The following ADAM12 variants were observed in gnomAD, a reference collection of about 807,000 sequenced individuals.
ADAM12 encodes the protein disintegrin and metalloproteinase domain-containing protein 12.
A neutral mutation model predicts 106.4 loss-of-function variants in ADAM12; 70 were observed. The ratio of observed to expected loss-of-function variants is 0.66; its 90% confidence interval spans 0.54 to 0.80. The LOEUF (loss-of-function observed/expected upper bound fraction) is 0.80, where lower values mean the gene tolerates loss of function less well. Ranked by LOEUF, ADAM12 falls within the 30% of genes least tolerant of loss-of-function variation. The pLI, the probability that ADAM12 is intolerant of heterozygous loss-of-function variation, is 0.00. For missense variants in ADAM12, 1,010 were observed against 1,171.9 expected (o/e 0.86, Z 2.02); for synonymous variants, 420 against 433.5 (o/e 0.97, Z 0.39).
intron 12 of ADAM12, chr10:126,070,440 T>C (rs922413738): frequency 6.6e-6 from 1 of 152,250 alleles, no homozygotes; most frequent in Non-Finnish European, 1.5e-5. Flanking sequence ...CCTCCTGGTA[T>C]GGAAAACCTC....
intron 20 of ADAM12, among the ~76,000 whole-genome samples, chr10:126,037,354 A>G (rs74814723): frequency 0.022 from 3,236 of 149,868 alleles, 97 homozygotes; most frequent in East Asian, 0.11. Context: ...TTTGGCTACC[A>G]CACAAAGCCG....
At chr10:126,107,297 C>T (rs1955791893) in intron 8 of ADAM12, among the ~76,000 whole-genome samples, 1 of 152,282 alleles carries the variant, frequency 6.6e-6, no homozygotes, top group South Asian at 2.1e-4. Context: ...CATAAACCTC[C>T]ATTCATAGCA....
chr10:126,130,318 G>A (rs531972516), intron 5 of ADAM12, among the ~76,000 whole-genome samples: 1 of 152,114 alleles, frequency 6.6e-6, no homozygotes, highest in African/African-American at 2.4e-5. Context: ...GTACAGCTGC[G>A]GAATTTCTCT....
At chr10:126,267,900 G>C (rs1959131850) in intron 3 of ADAM12, among the ~76,000 whole-genome samples, 1 of 152,166 alleles carries the variant, frequency 6.6e-6, no homozygotes, top group Non-Finnish European at 1.5e-5. Context: ...GACAGGGAGG[G>C]AGACCTTTTG....
At chr10:126,189,093 T>A (rs1957451046) in intron 3 of ADAM12, among the ~76,000 whole-genome samples, 1 of 152,102 alleles carries the variant, frequency 6.6e-6, no homozygotes, top group Non-Finnish European at 1.5e-5. Context: ...GGGAGACAAA[T>A]GCAGATACAA....
chr10:126,168,823 C>T (rs556701223), intron 3 of ADAM12, among the ~76,000 whole-genome samples: 14 of 152,214 alleles, frequency 9.2e-5, no homozygotes, highest in Admixed American at 3.9e-4. Context: ...GAGGCTGAGG[C>T]GGGCGGATCA....
intron 6 of ADAM12, among the ~76,000 whole-genome samples, chr10:126,111,913 C>A (rs72479325): frequency 0.063 from 9,530 of 152,076 alleles, 798 homozygotes; most frequent in African/African-American, 0.19. Context: ...GTTAAAAAAA[C>A]AACAACAAAG....
intron 5 of ADAM12, among the ~76,000 whole-genome samples, chr10:126,128,556 T>C (rs1344216055): frequency 2.6e-5 from 4 of 152,192 alleles, no homozygotes; most frequent in African/African-American, 9.6e-5. Context: ...TGGGAATGTG[T>C]GCAAGTGGGC....
chr10:126,251,845 G>GAT (rs1958774335), intron 3 of ADAM12, among the ~76,000 whole-genome samples: 3 of 150,218 alleles, frequency 2.0e-5, no homozygotes, highest in Non-Finnish European at 4.4e-5. Flanking sequence ...TGGATGAATG[G>GAT]GTGGGATGGA....
chr10:126,030,151 A>G (rs1234906490), intron 21 of ADAM12, among the ~76,000 whole-genome samples: 1 of 152,228 alleles, frequency 6.6e-6, no homozygotes, highest in Non-Finnish European at 1.5e-5. Context: ...TATAAAACTA[A>G]TAAGGAATAA....
intron 6 of ADAM12, among the ~76,000 whole-genome samples, chr10:126,110,208 G>T (rs1457751424): frequency 2.6e-5 from 4 of 152,138 alleles, no homozygotes; most frequent in Admixed American, 6.5e-5. Flanking sequence ...TTCAGACCAC[G>T]TGTAGGTCTT....
chr10:126,179,913 C>T (rs927777007), intron 3 of ADAM12, among the ~76,000 whole-genome samples: 1 of 152,092 alleles, frequency 6.6e-6, no homozygotes, highest in Non-Finnish European at 1.5e-5. Flanking sequence ...TGACCGCACA[C>T]CAATGCTTCT....
intron 3 of ADAM12, among the ~76,000 whole-genome samples, chr10:126,170,430 A>T (rs1468576169): frequency 1.4e-5 from 2 of 147,470 alleles, no homozygotes; most frequent in African/African-American, 2.7e-5. Flanking sequence ...TTTCCTTTAA[A>T]AAAAAAAAGA....
chr10:126,327,571 A>G (rs1854349246), intron 2 of ADAM12, among the ~76,000 whole-genome samples: 1 of 152,024 alleles, frequency 6.6e-6, no homozygotes, highest in Admixed American at 6.6e-5. Context: ...AGCTTAGGTG[A>G]CAAAGGAGGC....
chr10:126,226,491 C>T (rs1402414761), intron 3 of ADAM12, among the ~76,000 whole-genome samples: 2 of 152,198 alleles, frequency 1.3e-5, no homozygotes, highest in East Asian at 1.9e-4. Flanking sequence ...AATCACATGT[C>T]ATCACAAGAG....
chr10:126,130,269 C>T (rs1421941072), intron 5 of ADAM12, among the ~76,000 whole-genome samples: 1 of 152,072 alleles, frequency 6.6e-6, no homozygotes, highest in African/African-American at 2.4e-5. Flanking sequence ...TCCCCTCACC[C>T]TGGTCTGATT....
chr10:126,132,108 G>A (rs919477747), intron 5 of ADAM12, among the ~76,000 whole-genome samples: 1 of 151,936 alleles, frequency 6.6e-6, no homozygotes, highest in Non-Finnish European at 1.5e-5. Context: ...CCAAGTAGCT[G>A]GGACTACAGG....
At chr10:126,268,062 C>T (rs1340967822) in intron 3 of ADAM12, among the ~76,000 whole-genome samples, 1 of 151,214 alleles carries the variant, frequency 6.6e-6, no homozygotes, top group African/African-American at 2.5e-5. Flanking sequence ...CACTGACATC[C>T]ATCTCCATAA....
intron 3 of ADAM12, among the ~76,000 whole-genome samples, chr10:126,275,535 A>G (rs1394801228): frequency 1.3e-5 from 2 of 152,246 alleles, no homozygotes; most frequent in African/African-American, 4.8e-5. Context: ...AGTAGGATTA[A>G]TTAGATGACT....
Sources: gnomAD v4.1 joint callset for allele counts (sites outside exome capture counted in the v4.1 genomes callset) on GRCh38, gnomAD v4.1.1 for gene constraint, MANE v1.5 for transcripts, NCBI Gene and HGNC (gene_info 2026-07-23, HGNC 2026-07-21) for gene names.